Variants in SHTN1 observed in about 807,000 individuals in gnomAD.
The protein encoded by SHTN1 is shootin-1.
In SHTN1, 42 loss-of-function variants were observed where a neutral mutation model predicts 83.1. The observed-to-expected ratio is 0.51, with a 90% CI of 0.39 to 0.65. The LOEUF (loss-of-function observed/expected upper bound fraction) is 0.65, where lower values mean the gene tolerates loss of function less well. Ranked by LOEUF, SHTN1 falls within the 30% of genes least tolerant of loss-of-function variation. SHTN1 has a pLI of 0.00. For synonymous variants in SHTN1, 224 were observed against 247.7 expected, an observed-to-expected ratio of 0.90 and a Z score of 0.90; for missense variants, 622 against 737.8, an observed-to-expected ratio of 0.84 and a Z score of 1.82.
chr10:117,104,773 C>T (rs1853650000), intron 1 of SHTN1, among the ~76,000 whole-genome samples: 1 of 151,950 alleles, frequency 6.6e-6, no homozygotes, highest in African/African-American at 2.4e-5. Context: ...GACTCCGTCT[C>T]AAAACAACAA....
intron 2 of SHTN1, among the ~76,000 whole-genome samples, chr10:117,048,093 G>C (rs1336144734): frequency 1.3e-5 from 2 of 151,892 alleles, no homozygotes; most frequent in Non-Finnish European, 2.9e-5. Context: ...GTGAAAAGAG[G>C]GATCCATAAG....
At chr10:116,977,641 A>G (rs1850853843) in intron 2 of SHTN1, among the ~76,000 whole-genome samples, 1 of 145,882 alleles carries the variant, frequency 6.9e-6, no homozygotes, top group Admixed American at 7.0e-5. Flanking sequence ...CCAAACTACT[A>G]TTTTCAGTGA....
At chr10:116,899,829 C>CA (rs953464483) in intron 16 of SHTN1, among the ~76,000 whole-genome samples, 1 of 152,164 alleles carries the variant, frequency 6.6e-6, no homozygotes, top group Non-Finnish European at 1.5e-5. Context: ...GTTAGTGTAA[C>CA]AGAGTACTTA....
intron 6 of SHTN1, among the ~76,000 whole-genome samples, chr10:116,951,591 A>G (rs577183167): frequency 6.6e-5 from 10 of 152,358 alleles, no homozygotes; most frequent in African/African-American, 2.2e-4. Context: ...CTCTACCAGC[A>G]GCAATAAAAT....
chr10:117,049,917 G>A (rs1178203112), intron 1 of SHTN1, among the ~76,000 whole-genome samples: 2 of 152,052 alleles, frequency 1.3e-5, no homozygotes, highest in Non-Finnish European at 2.9e-5. Flanking sequence ...AATAGGAAAG[G>A]TCTGAAATCA....
chr10:117,034,997 C>T (rs1404449188), intron 2 of SHTN1, among the ~76,000 whole-genome samples: 1 of 152,076 alleles, frequency 6.6e-6, no homozygotes, highest in Non-Finnish European at 1.5e-5. Flanking sequence ...GTATGTGGAA[C>T]CACAAAAGAT....
chr10:116,956,789 T>C (rs1412152875), intron 4 of SHTN1, among the ~76,000 whole-genome samples: 1 of 152,174 alleles, frequency 6.6e-6, no homozygotes, highest in African/African-American at 2.4e-5. Flanking sequence ...GCAATACAAT[T>C]ACTCTACTTA....
chr10:117,084,505 G>C (rs191389574), intron 1 of SHTN1, among the ~76,000 whole-genome samples: 5 of 151,770 alleles, frequency 3.3e-5, no homozygotes, highest in African/African-American at 1.2e-4. Context: ...GTCTGTGCCC[G>C]CCCCCAGAGG....
chr10:117,122,528 A>G (rs1007895661), intron 1 of SHTN1, among the ~76,000 whole-genome samples: 2 of 152,236 alleles, frequency 1.3e-5, no homozygotes, highest in Non-Finnish European at 2.9e-5. Context: ...AAACAGGTAT[A>G]TGAAAAAGTG....
In SHTN1 at chr10:116,973,769, T is replaced by C; in HGVS notation, c.112-5057A>G. 1.5e-5 allele frequency: 12 copies of C among 817,186 alleles called. No individual in the cohort carries two copies. The South Asian group carries it at 1.7e-4, about 11-fold the overall frequency. The allele number at this position is 817,186 out of a possible 1,614,324, so 50.6% of individuals were successfully genotyped here. ...TGAAGAAGTTTAATGCTACACCATT[T>C]TTCTTGAAGTTCATTAATGTCCAGT... On this transcript the variant is annotated intron_variant, in intron 2 of 16. Coordinates refer to ENST00000355371, the MANE Select transcript of SHTN1 (RefSeq NM_001127211.3).
chr10:116,939,936 A>C (rs1262856797), intron 9 of SHTN1, among the ~76,000 whole-genome samples: 3 of 152,212 alleles, frequency 2.0e-5, no homozygotes, highest in African/African-American at 4.8e-5. Context: ...TGTCAGCTGG[A>C]ATAGCTCCAC....
chr10:117,109,553 CTTTT>C (rs374713015), intron 1 of SHTN1, among the ~76,000 whole-genome samples: 12 of 42,954 alleles, frequency 2.8e-4, no homozygotes, highest in African/African-American at 6.6e-4. Flanking sequence ...ACATATATTA[CTTTT>C]TTTTTTTTTT....
At chr10:116,901,277 AG>A (rs1847724445) in intron 16 of SHTN1, 1 of 985,272 alleles carries the variant, frequency 1.0e-6, no homozygotes, top group Admixed American at 6.1e-5. Context: ...AAGTCTATAC[AG>A]ATAACTCTTT....
chr10:116,913,716 G>C (rs1378166011), intron 13 of SHTN1, among the ~76,000 whole-genome samples: 2 of 152,110 alleles, frequency 1.3e-5, no homozygotes, highest in African/African-American at 2.4e-5. Context: ...CTTTTTCAAA[G>C]GTGGCACTCA....
chr10:117,016,245 G>T (rs1012611967), intron 2 of SHTN1, among the ~76,000 whole-genome samples: 1 of 152,116 alleles, frequency 6.6e-6, no homozygotes, highest in Admixed American at 6.6e-5. Flanking sequence ...AACTAAGGTA[G>T]TTGTAGATGT....
chr10:116,893,787 T>C (rs1019306608), intron 16 of SHTN1, among the ~76,000 whole-genome samples: 1 of 152,194 alleles, frequency 6.6e-6, no homozygotes, highest in Non-Finnish European at 1.5e-5. Context: ...CCAGCTGAGA[T>C]AATTAGTTTG....
intron 14 of SHTN1, among the ~76,000 whole-genome samples, chr10:116,907,522 C>T (rs936969637): frequency 2.6e-5 from 4 of 152,124 alleles, no homozygotes; most frequent in South Asian, 2.1e-4. Context: ...CTGGCTCTTC[C>T]GGGAAGTATG....
chr10:116,988,045 T>C (rs1851285729), intron 1 of SHTN1, among the ~76,000 whole-genome samples: 1 of 152,166 alleles, frequency 6.6e-6, no homozygotes, highest in Non-Finnish European at 1.5e-5. Flanking sequence ...ATACATGTGC[T>C]ATATATTTGT....
In SHTN1 at chr10:117,043,173, G is replaced by A. The variant is rs567110575; in HGVS notation, c.-123+5272C>T. Among the ~76,000 whole-genome samples, 118 of 149,748 alleles carry A rather than the reference G, an allele frequency of 7.9e-4. 2 individuals carry two copies. The South Asian group carries it at 0.023, about 30-fold the overall frequency. The stretch of plus-strand genomic sequence containing the variant: ...TTTTTAAATGGAGTCTCGCTCTGTC[G>A]CCCAGGCTGGAGTGCAGTGGCACAA... On this transcript the variant is annotated intron_variant, in intron 2 of 17. Transcript: ENST00000392901.
Sources: gnomAD v4.1 joint callset for allele counts (sites outside exome capture counted in the v4.1 genomes callset) on GRCh38, gnomAD v4.1.1 for gene constraint, MANE v1.5 for transcripts, NCBI Gene and HGNC (gene_info 2026-07-23, HGNC 2026-07-21) for gene names.